THSD4: variants seen among roughly 807,000 people sequenced by gnomAD.
THSD4 encodes the protein thrombospondin type-1 domain-containing protein 4.
Under a neutral mutation model 119.0 loss-of-function variants are expected in THSD4, and 69 were observed. That is an observed-to-expected ratio of 0.58 (90% CI 0.48 to 0.71). THSD4 has a LOEUF of 0.71. Ranked by LOEUF, THSD4 falls within the 30% of genes least tolerant of loss-of-function variation. The probability of loss-of-function intolerance (pLI) is 0.00; values close to 1 mark genes in which losing one functional copy is unlikely to be tolerated. For missense variants in THSD4, 1,393 were observed against 1,391.1 expected (o/e 1.00, Z -0.02); for synonymous variants, 524 against 540.4 (o/e 0.97, Z 0.42).
chr15:71,278,883 A>G (rs984587043), intron 6 of THSD4, among the ~76,000 whole-genome samples: 10 of 152,184 alleles, frequency 6.6e-5, no homozygotes, highest in African/African-American at 2.2e-4. Flanking sequence ...TTAAAATTTT[A>G]TCGAGTGAGC....
intron 7 of THSD4, chr15:71,547,402 G>C: frequency 6.5e-7 from 1 of 1,550,280 alleles, no homozygotes; most frequent in East Asian, 2.4e-5. Context: ...TTCTAACTTT[G>C]GGTAATAATG....
At chr15:71,498,253 C>T (rs1221715416) in intron 7 of THSD4, among the ~76,000 whole-genome samples, 1 of 152,146 alleles carries the variant, frequency 6.6e-6, no homozygotes, top group Non-Finnish European at 1.5e-5. Flanking sequence ...AAGAGGGGAA[C>T]AACTCATGCC....
intron 1 of THSD4, among the ~76,000 whole-genome samples, chr15:71,122,546 G>A (rs568105460): frequency 1.3e-5 from 2 of 152,284 alleles, no homozygotes; most frequent in East Asian, 1.9e-4. Flanking sequence ...GCGCATATAC[G>A]CATAATGCCA....
At chr15:71,358,268 T>C (rs879096612) in intron 6 of THSD4, among the ~76,000 whole-genome samples, 5 of 152,214 alleles carry the variant, frequency 3.3e-5, no homozygotes, top group Admixed American at 2.6e-4. Context: ...GCCTCTTTTT[T>C]TGATGGTTTA....
At chr15:71,588,966 G>C (rs2049744615) in intron 7 of THSD4, among the ~76,000 whole-genome samples, 1 of 152,182 alleles carries the variant, frequency 6.6e-6, no homozygotes, top group African/African-American at 2.4e-5. Flanking sequence ...GGAGGTGGGT[G>C]AGTCATGGGA....
At chr15:71,364,392 C>T (rs1566955465) in intron 6 of THSD4, among the ~76,000 whole-genome samples, 1 of 152,236 alleles carries the variant, frequency 6.6e-6, no homozygotes, top group Non-Finnish European at 1.5e-5. Flanking sequence ...CTGGTGATAG[C>T]TGTTTCTAAT....
In THSD4 at chr15:71,746,725, G is replaced by GA. The variant is rs564935346; in HGVS notation, c.2037-110dup. On this transcript the variant is annotated intron_variant, in intron 12 of 17. Coordinates refer to ENST00000261862, the MANE Select transcript of THSD4 (RefSeq NM_024817.3). Reference sequence around the variant, plus strand: ...TGACTTTCAAGCAATGCTCTAGTAAGAAACTCTACCCATAGTGATTCTGAT... The same window carrying GA: ...TGACTTTCAAGCAATGCTCTAGTAAGAAAACTCTACCCATAGTGATTCTGAT... 3,385 of 1,185,792 alleles carry GA rather than the reference G, an allele frequency of 2.9e-3. 10 individuals carry two copies. The highest frequency in any genetic ancestry group is 3.3e-3 in the South Asian group (247 of 74,894). 73.5% of individuals were successfully genotyped at this position (1,185,792 alleles called of 1,614,324 possible).
intron 3 of THSD4, among the ~76,000 whole-genome samples, chr15:71,157,711 CAT>C (rs2040793387): frequency 9.0e-6 from 1 of 111,454 alleles, no homozygotes; most frequent in Non-Finnish European, 1.7e-5. Flanking sequence ...TCAGATTCCA[CAT>C]ATGAGTGAGA....
intron 3 of THSD4, among the ~76,000 whole-genome samples, chr15:71,173,828 A>G (rs1203377703): frequency 6.6e-6 from 1 of 152,132 alleles, no homozygotes; most frequent in African/African-American, 2.4e-5. Flanking sequence ...GACCAATGGA[A>G]TAGAATAGAG....
rs192996114 is a variant in THSD4, at chr15:71,411,925, C to A, written c.1152+102C>A. On this transcript the variant is annotated intron_variant, in intron 7 of 17. Transcript: ENST00000261862. Reference sequence around the variant, plus strand: ...GACTAGGCTGCTAGCTCCCCCCAGCCCACGTCAGGGCCACTCAACCATGCG... The same window carrying A: ...GACTAGGCTGCTAGCTCCCCCCAGCACACGTCAGGGCCACTCAACCATGCG... The A allele has an allele frequency of 2.8e-5, 42 of 1,494,210 alleles. No individual in the cohort carries two copies. The African/African-American group carries it at 4.5e-4, about 16-fold the overall frequency. 92.6% of individuals were successfully genotyped at this position (1,494,210 alleles called of 1,614,324 possible). A position where few individuals can be genotyped will look rare whatever the true frequency, so the allele number is the denominator to read the frequency against.
intron 7 of THSD4, among the ~76,000 whole-genome samples, chr15:71,465,654 A>C (rs757813598): frequency 2.0e-5 from 3 of 152,342 alleles, no homozygotes; most frequent in Admixed American, 6.5e-5. Flanking sequence ...ATATCAAGCA[A>C]ACCTCGTCTG....
chr15:71,648,371 C>G (rs2051014309), intron 7 of THSD4, among the ~76,000 whole-genome samples: 1 of 152,186 alleles, frequency 6.6e-6, no homozygotes, highest in Admixed American at 6.5e-5. Flanking sequence ...CATCTAAGAC[C>G]ATGACCCTAC....
At chr15:71,379,774 C>G (rs1047858532) in intron 6 of THSD4, among the ~76,000 whole-genome samples, 5 of 151,972 alleles carry the variant, frequency 3.3e-5, no homozygotes, top group African/African-American at 1.2e-4. Context: ...GGCTTCTTTA[C>G]ACATGTATGT....
At chr15:71,405,960 A>T (rs1048818540) in intron 6 of THSD4, among the ~76,000 whole-genome samples, 7 of 152,126 alleles carry the variant, frequency 4.6e-5, no homozygotes, top group Non-Finnish European at 1.0e-4. Flanking sequence ...AGTAAATAGA[A>T]ATACAATTAA....
intron 1 of THSD4, among the ~76,000 whole-genome samples, chr15:71,137,503 C>T (rs74021938): frequency 0.018 from 2,739 of 152,158 alleles, 83 homozygotes; most frequent in African/African-American, 0.063. Flanking sequence ...CCTTATTATG[C>T]GTGATGAATG....
chr15:71,431,404 T>G lies in THSD4; in HGVS notation c.1152+19581T>G, dbSNP rs572967198. On this transcript the variant is annotated intron_variant, in intron 7 of 17. Coordinates refer to ENST00000261862, the MANE Select transcript of THSD4 (RefSeq NM_024817.3). The stretch of plus-strand genomic sequence containing the variant: ...TGTCAGAAGCTTTTTATTTTTTTCA[T>G]GAACCTTCTTGAAGACAGAACACTT... Among the ~76,000 whole-genome samples, 3 of 152,310 alleles carry G rather than the reference T, an allele frequency of 2.0e-5. 1 individual carries two copies. Among genetic ancestry groups the G allele is most frequent in the African/African-American group, 7.2e-5 (3 of 41,568 alleles).
intron 8 of THSD4, among the ~76,000 whole-genome samples, chr15:71,695,911 G>A (rs1256994706): frequency 1.3e-5 from 2 of 152,196 alleles, no homozygotes. Flanking sequence ...CAATAAGTGT[G>A]TGTTGGGCAA....
At chr15:71,116,978 C>A (rs1359799620) in intron 1 of THSD4, among the ~76,000 whole-genome samples, 1 of 151,908 alleles carries the variant, frequency 6.6e-6, no homozygotes, top group African/African-American at 2.4e-5. Context: ...AAACAAAATC[C>A]TAGCCCTGAA....
chr15:71,452,725 C>T (rs1444486727), intron 7 of THSD4, among the ~76,000 whole-genome samples: 1 of 152,118 alleles, frequency 6.6e-6, no homozygotes, highest in African/African-American at 2.4e-5. Flanking sequence ...AAGTGATTCT[C>T]ATGCCTCAGC....
Sources: gnomAD v4.1 joint callset for allele counts (sites outside exome capture counted in the v4.1 genomes callset) on GRCh38, gnomAD v4.1.1 for gene constraint, MANE v1.5 for transcripts, NCBI Gene and HGNC (gene_info 2026-07-23, HGNC 2026-07-21) for gene names.